STK3: variants seen among roughly 807,000 people sequenced by gnomAD.
The protein encoded by STK3 is serine/threonine-protein kinase 3.
Under a neutral mutation model 58.0 loss-of-function variants are expected in STK3, and 41 were observed. The ratio of observed to expected loss-of-function variants is 0.71; its 90% CI spans 0.55 to 0.92. The LOEUF is 0.92. STK3 is among the 40% of genes least tolerant of loss of function. The probability of loss-of-function intolerance (pLI) is 0.00; values close to 1 mark genes in which losing one functional copy is unlikely to be tolerated. For missense variants in STK3, 479 were observed against 602.7 expected (o/e 0.79, Z 2.15); for synonymous variants, 170 against 191.0 (o/e 0.89, Z 0.91).
intron 1 of STK3, among the ~76,000 whole-genome samples, chr8:98,443,958 AC>A (rs1818796026): frequency 1.3e-5 from 2 of 152,258 alleles, no homozygotes. Flanking sequence ...AGATTTCTTA[AC>A]CATTTGCTTA....
chr8:98,612,905 G>A (rs1021506348), intron 6 of STK3, among the ~76,000 whole-genome samples: 6 of 152,122 alleles, frequency 3.9e-5, no homozygotes, highest in African/African-American at 1.2e-4. Flanking sequence ...GAAAGTAAAA[G>A]GACAGCCCCC....
At chr8:98,557,187 G>A (rs747382446) in intron 8 of STK3, among the ~76,000 whole-genome samples, 1 of 152,024 alleles carries the variant, frequency 6.6e-6, no homozygotes, top group Non-Finnish European at 1.5e-5. Context: ...AACGGAATTC[G>A]GGGGCTGGTG....
chr8:98,566,739 G>C (rs149295295), intron 8 of STK3, among the ~76,000 whole-genome samples: 45 of 152,108 alleles, frequency 3.0e-4, no homozygotes, highest in African/African-American at 1.0e-3. Context: ...AGGTCCTCTG[G>C]GCTGAAAATA....
chr8:98,573,858 G>A (rs1003712108), intron 8 of STK3, among the ~76,000 whole-genome samples: 2 of 151,980 alleles, frequency 1.3e-5, no homozygotes, highest in Non-Finnish European at 2.9e-5. Flanking sequence ...TGAAGCCTGA[G>A]GAGGCTTCAG....
chr8:98,503,630 T>C (rs1823805740), intron 10 of STK3, among the ~76,000 whole-genome samples: 1 of 152,214 alleles, frequency 6.6e-6, no homozygotes, highest in Admixed American at 6.5e-5. Context: ...TCAAAGAACA[T>C]CTTTATTTCT....
Position 98,697,486 on chromosome 8 carries a change from T to A in STK3, c.684+8981A>T, listed in dbSNP as rs528058336. On this transcript the variant is annotated intron_variant, in intron 6 of 10. Transcript: ENST00000419617. Reference sequence around the variant, plus strand: ...TTTGGATCTTTCCTGCTTTCTCTTGTGGGCATTTAATGCTATAAATTTCAC... The same window carrying A: ...TTTGGATCTTTCCTGCTTTCTCTTGAGGGCATTTAATGCTATAAATTTCAC... 2.3e-4 allele frequency among the ~76,000 whole-genome samples: 35 copies of A among 152,364 alleles called. 1 individual carries two copies. Among genetic ancestry groups the A allele is most frequent in the Admixed American group, 2.2e-3 (34 of 15,308 alleles).
intron 4 of STK3, among the ~76,000 whole-genome samples, chr8:98,720,785 T>C (rs1318500511): frequency 6.6e-6 from 1 of 151,440 alleles, no homozygotes; most frequent in Non-Finnish European, 1.5e-5. Context: ...ACTGGGGGTT[T>C]TGAGACTTGT....
intron 10 of STK3, among the ~76,000 whole-genome samples, chr8:98,505,793 G>A (rs1349261290): frequency 6.6e-6 from 1 of 152,192 alleles, no homozygotes; most frequent in Non-Finnish European, 1.5e-5. Context: ...GCATCTGGCT[G>A]TGTGAGGTGT....
chr8:98,396,914 G>A (rs1563591975), downstream of STK3, among the ~76,000 whole-genome samples: 2 of 152,118 alleles, frequency 1.3e-5, no homozygotes, highest in Non-Finnish European at 2.9e-5. Flanking sequence ...CTATGTACCA[G>A]GCCCTATTCT....
At chr8:98,349,375 C>T in the STK3 span, among the ~76,000 whole-genome samples, 1 of 152,216 alleles carries the variant, frequency 6.6e-6, no homozygotes. Flanking sequence ...AGCTCTGCCC[C>T]TGTGGCTTTG....
chr8:98,770,167 T>G (rs1291045262), intron 2 of STK3, among the ~76,000 whole-genome samples: 2 of 152,116 alleles, frequency 1.3e-5, no homozygotes, highest in Non-Finnish European at 2.9e-5. Flanking sequence ...AAATTAACCT[T>G]ACAATGCCTG....
chr8:98,599,155 G>T (rs1193585741), intron 6 of STK3, among the ~76,000 whole-genome samples: 1 of 152,096 alleles, frequency 6.6e-6, no homozygotes, highest in East Asian at 1.9e-4. Flanking sequence ...TGAGCAAAAG[G>T]TTATCTTCAC....
At chr8:98,633,513 C>G in intron 6 of STK3, 1 of 682,020 alleles carries the variant, frequency 1.5e-6, no homozygotes, top group Non-Finnish European at 2.7e-6. Context: ...GCTTTGCCAG[C>G]TCAGGACTGA....
At chr8:98,643,613 A>G (rs1398382926) in intron 6 of STK3, among the ~76,000 whole-genome samples, 1 of 152,258 alleles carries the variant, frequency 6.6e-6, no homozygotes, top group Non-Finnish European at 1.5e-5. Flanking sequence ...TAACCCAACC[A>G]GAATATAAAC....
At chr8:98,657,714 C>CAA (rs377123993) in intron 6 of STK3, among the ~76,000 whole-genome samples, 6 of 149,980 alleles carry the variant, frequency 4.0e-5, no homozygotes, top group African/African-American at 1.5e-4. Context: ...TGCAAAAAAG[C>CAA]AAAAAAAAGA....
At chr8:98,615,024 A>G (rs964818766) in intron 6 of STK3, among the ~76,000 whole-genome samples, 2 of 152,084 alleles carry the variant, frequency 1.3e-5, no homozygotes, top group African/African-American at 4.8e-5. Context: ...AGACAAACAA[A>G]AAGACAGCAG....
intron 1 of STK3, among the ~76,000 whole-genome samples, chr8:98,795,807 A>AATACAATATG (rs1564009496): frequency 1.9e-5 from 2 of 105,180 alleles, no homozygotes; most frequent in Non-Finnish European, 3.8e-5. Context: ...AATACAATAC[A>AATACAATATG]ATACAATACA....
At chr8:98,540,351 T>A (rs1025676538) in intron 9 of STK3, among the ~76,000 whole-genome samples, 2 of 152,216 alleles carry the variant, frequency 1.3e-5, no homozygotes, top group Admixed American at 6.5e-5. Flanking sequence ...CAGACCAGCA[T>A]CTCTGAAGAG....
At chr8:98,936,078 C>T (rs1840184104) in intron 1 of STK3, among the ~76,000 whole-genome samples, 2 of 151,920 alleles carry the variant, frequency 1.3e-5, no homozygotes, top group Non-Finnish European at 2.9e-5. Context: ...ACCACACCAG[C>T]TAATTTTGTT....
Sources: allele counts gnomAD v4.1 joint callset (sites outside exome capture counted in the v4.1 genomes callset), GRCh38; gene constraint gnomAD v4.1.1; transcripts MANE v1.5; gene names NCBI Gene and HGNC (gene_info 2026-07-23, HGNC 2026-07-21).